EXPH5: variants seen among roughly 807,000 people sequenced by gnomAD.
The protein encoded by EXPH5 is exophilin-5.
In EXPH5, 42 loss-of-function variants were observed where a neutral mutation model predicts 41.1. That is an observed-to-expected ratio of 1.02 (90% CI 0.80 to 1.32). The LOEUF is 1.32. EXPH5 is among the 40% of genes most tolerant of loss of function. The probability of loss-of-function intolerance (pLI) is 0.00; values close to 1 mark genes in which losing one functional copy is unlikely to be tolerated. For missense variants in EXPH5, 2,298 were observed against 2,314.5 expected (o/e 0.99, Z 0.15); for synonymous variants, 798 against 833.5 (o/e 0.96, Z 0.73).
intron 1 of EXPH5, among the ~76,000 whole-genome samples, chr11:108,590,310 CTGTTA>C (rs1478959718): frequency 6.6e-6 from 1 of 152,142 alleles, no homozygotes; most frequent in Non-Finnish European, 1.5e-5. Flanking sequence ...ATTTTCCCAT[CTGTTA>C]TGTTTACTGT....
At chr11:108,527,581 G>T (rs1207182129) in intron 4 of EXPH5, among the ~76,000 whole-genome samples, 1 of 152,202 alleles carries the variant, frequency 6.6e-6, no homozygotes, top group Non-Finnish European at 1.5e-5. Context: ...GGAATGTGTA[G>T]ATCAAAGTTA....
At position 108,554,942 on chromosome 11, in the gene EXPH5, A is replaced by C. The variant is rs144087931; in HGVS notation, c.120-13130T>G. Among the ~76,000 whole-genome samples, 187 of 152,348 alleles carry C rather than the reference A, an allele frequency of 1.2e-3. 1 individual carries two copies. The highest frequency in any genetic ancestry group is 4.1e-3 in the African/African-American group (169 of 41,578). On this transcript the variant is annotated intron_variant, in intron 1 of 5. Transcript: ENST00000265843. ...CCTGTCTCCCCCCGGCCTCCAAAAA[A>C]GAGAGGGAATCATCCTCAGATTTCC...
chr11:108,598,351 C>T (rs957424934), upstream of EXPH5, among the ~76,000 whole-genome samples: 1 of 152,152 alleles, frequency 6.6e-6, no homozygotes, highest in Admixed American at 6.5e-5. Context: ...TTGTTATGGG[C>T]ATGTAGTATT....
At chr11:108,579,579 A>G (rs1022075812) in intron 1 of EXPH5, among the ~76,000 whole-genome samples, 1 of 151,978 alleles carries the variant, frequency 6.6e-6, no homozygotes, top group African/African-American at 2.4e-5. Flanking sequence ...CTGCTTCCAG[A>G]TAAGATAGAG....
chr11:108,583,333 C>T (rs2094104058), intron 1 of EXPH5, among the ~76,000 whole-genome samples: 1 of 150,982 alleles, frequency 6.6e-6, no homozygotes. Flanking sequence ...GATCGCACGA[C>T]TGCACTCCAG....
intron 4 of EXPH5, 46 bp from the exon 5 acceptor site, chr11:108,518,419 A>C (rs369441625): frequency 3.3e-5 from 53 of 1,589,884 alleles, no homozygotes; most frequent in African/African-American, 5.4e-5. Flanking sequence ...AGCCTTCACC[A>C]GTCAAAATAC....
rs1463245384 is a variant in EXPH5, at chr11:108,573,172, GAAAGAAAGAAAGAAAGAAAGAAAGAA to G, written c.119+20220_119+20245del. On this transcript the variant is annotated intron_variant, in intron 1 of 5. Coordinates refer to ENST00000265843, the MANE Select transcript of EXPH5 (RefSeq NM_015065.3). ...AGAAAGAAAGAAAGAAAGAAAGAAA[GAAAGAAAGAAAGAAAGAAAGAAAGAA>G]AAAGAAAGAAAGAAAGAAAGAAAGG... 2.2e-3 allele frequency among the ~76,000 whole-genome samples: 313 copies of G among 144,208 alleles called. 1 individual carries two copies. Among genetic ancestry groups the G allele is most frequent in the African/African-American group, 8.1e-3 (300 of 37,216 alleles). 94.6% of individuals were successfully genotyped at this position (144,208 alleles called of 152,430 possible). A position where few individuals can be genotyped will look rare whatever the true frequency, so the allele number is the denominator to read the frequency against.
At chr11:108,557,639 C>G (rs1393233322) in intron 1 of EXPH5, among the ~76,000 whole-genome samples, 1 of 152,106 alleles carries the variant, frequency 6.6e-6, no homozygotes, top group Non-Finnish European at 1.5e-5. Flanking sequence ...CGAGCCACTG[C>G]GCCTGGCCCT....
At chr11:108,523,810 T>A (rs1258588244) in intron 4 of EXPH5, among the ~76,000 whole-genome samples, 3 of 152,172 alleles carry the variant, frequency 2.0e-5, no homozygotes, top group African/African-American at 7.2e-5. Flanking sequence ...GGGCAGATGT[T>A]GCAGCAAGCA....
intron 1 of EXPH5, among the ~76,000 whole-genome samples, chr11:108,575,561 G>A (rs1283799330): frequency 1.3e-5 from 2 of 152,210 alleles, no homozygotes; most frequent in East Asian, 3.8e-4. Flanking sequence ...ATATGCAGTA[G>A]AATAGTATAC....
chr11:108,532,339 G>GATATATATATATAC lies in EXPH5; in HGVS notation c.444-4156_444-4155insGTATATATATATAT, dbSNP rs1555192497. Among the ~76,000 whole-genome samples the GATATATATATATAC allele has an allele frequency of 1.7e-4, 4 of 23,426 alleles. 1 individual carries two copies. The highest frequency in any genetic ancestry group is 7.7e-4 in the African/African-American group (4 of 5,180). 15.4% of individuals were successfully genotyped at this position (23,426 alleles called of 152,430 possible). A position where few individuals can be genotyped will look rare whatever the true frequency, so the allele number is the denominator to read the frequency against. ...ACTACTGGTGTGCACCACCACACTG[G>GATATATATATATAC]ATATATATATATATATATATATATA... On this transcript the variant is annotated intron_variant, in intron 3 of 5. Coordinates refer to ENST00000265843, the MANE Select transcript of EXPH5 (RefSeq NM_015065.3).
intron 3 of EXPH5, among the ~76,000 whole-genome samples, chr11:108,536,271 T>A (rs1165555815): frequency 6.6e-6 from 1 of 151,460 alleles, no homozygotes; most frequent in Non-Finnish European, 1.5e-5. Context: ...AAGTGGTAAA[T>A]CTTTTTGCCT....
rs959294127 is a variant in EXPH5 at position 108,520,686 on chromosome 11, C to G, written c.493-2313G>C. The stretch of plus-strand genomic sequence containing the variant: ...GGCTCAAGCAATTCCCCTGCCTCAG[C>G]CTCCCGAGTAGCTGGGATTACAGGC... On this transcript the variant is annotated intron_variant, in intron 4 of 5. Transcript: ENST00000265843. Among the ~76,000 whole-genome samples, 4 of 152,182 alleles carry G rather than the reference C, an allele frequency of 2.6e-5. No individual in the cohort carries two copies. The South Asian group carries it at 8.3e-4, about 32-fold the overall frequency.
At chr11:108,559,194 T>C (rs1018892887) in intron 1 of EXPH5, among the ~76,000 whole-genome samples, 1 of 152,190 alleles carries the variant, frequency 6.6e-6, no homozygotes, top group African/African-American at 2.4e-5. Context: ...GTCGATTTCC[T>C]GAACACACAG....
chr11:108,560,148 G>C (rs776190918), intron 1 of EXPH5, among the ~76,000 whole-genome samples: 1 of 152,200 alleles, frequency 6.6e-6, no homozygotes, highest in African/African-American at 2.4e-5. Context: ...TTTTCTAAAT[G>C]TCAGCACCAT....
At chr11:108,523,642 C>T (rs566314111) in intron 4 of EXPH5, among the ~76,000 whole-genome samples, 2 of 152,210 alleles carry the variant, frequency 1.3e-5, no homozygotes, top group Admixed American at 6.5e-5. Flanking sequence ...GAGGCCAAGG[C>T]GGGCAGATTG....
chr11:108,517,556 T>A (rs1389713860), intron 5 of EXPH5, among the ~76,000 whole-genome samples: 2 of 152,240 alleles, frequency 1.3e-5, no homozygotes, highest in Non-Finnish European at 2.9e-5. Context: ...TTTGTAAAAG[T>A]AAACTATGAT....
In EXPH5 at chr11:108,513,632, G is replaced by C; in HGVS notation, c.1875C>G (p.Ser625=). ...SSFGIAQTLA[S]SFKTSFSQIS... The stretch of plus-strand genomic sequence containing the variant: ...TCTGGGAAAAGGAAGTTTTGAATGA[G>C]GATGCTAGAGTCTGAGCAATTCCAA... The change falls in exon 6 of 6, where the codon TCC becomes TCG. Residue 625 remains serine, a synonymous_variant. Coordinates refer to ENST00000265843, the MANE Select transcript of EXPH5 (RefSeq NM_015065.3). The C allele has an allele frequency of 1.2e-5, 19 of 1,612,624 alleles. No individual in the cohort carries two copies. Among genetic ancestry groups the C allele is most frequent in the Non-Finnish European group, 1.6e-5 (19 of 1,179,422 alleles).
In EXPH5 at chr11:108,512,927, T is replaced by C. The variant is rs781020745; in HGVS notation, c.2580A>G (p.Gln860=). 5.0e-6 allele frequency: 8 copies of C among 1,613,250 alleles called. No homozygotes were observed. In the Admixed American group the frequency reaches 5.0e-5, roughly 10 times the overall value. The part of the protein sequence containing the change: ...SSALTDTQNA[Q]YSKCKLTPGH... ...CAGGAGTTAACTTGCATTTTGAGTATTGTGCATTTTGAGTATCAGTCAGTG... is the reference window on the plus strand; with the variant it reads ...CAGGAGTTAACTTGCATTTTGAGTACTGTGCATTTTGAGTATCAGTCAGTG... The change falls in exon 6 of 6, where the codon CAA becomes CAG. Residue 860 remains glutamine (Q), a synonymous_variant. Coordinates refer to ENST00000265843, the MANE Select transcript of EXPH5 (RefSeq NM_015065.3).
Sources: allele counts gnomAD v4.1 joint callset (sites outside exome capture counted in the v4.1 genomes callset), GRCh38; gene constraint gnomAD v4.1.1; transcripts MANE v1.5; gene names NCBI Gene and HGNC (gene_info 2026-07-23, HGNC 2026-07-21).